Variants in PDE12 observed in about 807,000 individuals in gnomAD.
PDE12 encodes the protein phosphodiesterase 12.
In PDE12, 26 loss-of-function variants were observed where a neutral mutation model predicts 45.4. The ratio of observed to expected loss-of-function variants is 0.57; its 90% CI spans 0.42 to 0.79. The LOEUF (loss-of-function observed/expected upper bound fraction) is 0.79, where lower values mean the gene tolerates loss of function less well. Among genes scored for constraint, PDE12 ranks in the 30% least tolerant of loss-of-function variants. PDE12 has a pLI of 0.00. For synonymous variants in PDE12, 283 were observed against 323.9 expected (o/e 0.87, Z 1.36); for missense variants, 668 against 790.0 (o/e 0.85, Z 1.85).
the PDE12 span, chr3:57,597,291 T>A: frequency 2.9e-6 from 2 of 695,860 alleles, no homozygotes; most frequent in Non-Finnish European, 4.8e-6. Context: ...GTGGCCCCTG[T>A]GCCGATGAAG....
the PDE12 span, among the ~76,000 whole-genome samples, chr3:57,642,538 A>G: frequency 6.6e-6 from 1 of 152,172 alleles, no homozygotes; most frequent in Non-Finnish European, 1.5e-5. Flanking sequence ...CACAGAGTTT[A>G]GCATTCCTGG....
At position 57,561,315 on chromosome 3, in the gene PDE12, A is replaced by C. The variant is rs1227364027; in HGVS notation, c.*1311A>C. 1.1e-5 allele frequency: 11 copies of C among 985,198 alleles called. No individual in the cohort carries two copies. The highest frequency in any genetic ancestry group is 6.2e-5 in the Admixed American group (1 of 16,246). The allele number at this position is 985,198 out of a possible 1,614,324, so 61.0% of individuals were successfully genotyped here. A position where few individuals can be genotyped will look rare whatever the true frequency, so the allele number is the denominator to read the frequency against. ...AATTTCAAAATTGTTGGTTTTTATA[A>C]ACAGGAAAAAGGTTGAGTAGTGGGA... is the stretch of plus-strand genomic sequence containing the variant. On this transcript the variant is annotated 3_prime_UTR_variant, in exon 3 of 3. Transcript: ENST00000311180.
chr3:57,606,068 A>T, the PDE12 span, among the ~76,000 whole-genome samples: 1 of 152,186 alleles, frequency 6.6e-6, no homozygotes, highest in Non-Finnish European at 1.5e-5. Context: ...AGAAAAAAAT[A>T]TGTTAAGAAA....
chr3:57,638,380 G>A, the PDE12 span, among the ~76,000 whole-genome samples: 1 of 152,086 alleles, frequency 6.6e-6, no homozygotes, highest in African/African-American at 2.4e-5. Flanking sequence ...TAAACAGGCT[G>A]GGTGTGGTGG....
chr3:57,608,717 G>A, the PDE12 span, among the ~76,000 whole-genome samples: 1 of 152,034 alleles, frequency 6.6e-6, no homozygotes, highest in African/African-American at 2.4e-5. Flanking sequence ...ACCCAATACA[G>A]GAGCACCCAG....
chr3:57,630,271 T>C, the PDE12 span: 4 of 606,884 alleles, frequency 6.6e-6, no homozygotes, highest in East Asian at 3.2e-5. Flanking sequence ...GCCCCTATAA[T>C]GTCCTTGGCA....
the PDE12 span, among the ~76,000 whole-genome samples, chr3:57,579,538 T>C: frequency 7.2e-5 from 11 of 152,004 alleles, no homozygotes; most frequent in Non-Finnish European, 1.3e-4. Flanking sequence ...TCTGCCTGCT[T>C]TGGCCTCCCA....
the PDE12 span, among the ~76,000 whole-genome samples, chr3:57,629,485 A>T: frequency 6.6e-6 from 1 of 151,312 alleles, no homozygotes; most frequent in Non-Finnish European, 1.5e-5. Context: ...GTAATACAGA[A>T]CATAAAAAAA....
chr3:57,626,943 C>T, the PDE12 span: 2 of 152,084 alleles, frequency 1.3e-5, no homozygotes, highest in African/African-American at 2.4e-5. Context: ...AAAAATAAAA[C>T]GCTACCAAAC....
the PDE12 span, among the ~76,000 whole-genome samples, chr3:57,640,036 C>T: frequency 6.6e-6 from 1 of 152,042 alleles, no homozygotes; most frequent in Admixed American, 6.6e-5. Flanking sequence ...CTTTGGGAAG[C>T]CGAGGTGGGC....
the PDE12 span, chr3:57,645,602 T>A: frequency 7.9e-7 from 1 of 1,273,270 alleles, no homozygotes; most frequent in Non-Finnish European, 1.1e-6. Flanking sequence ...CCAAAAATAA[T>A]TCTACACAAT....
chr3:57,633,636 C>G, the PDE12 span, among the ~76,000 whole-genome samples: 2 of 152,188 alleles, frequency 1.3e-5, no homozygotes, highest in Admixed American at 6.5e-5. Flanking sequence ...CGTCTGTAAT[C>G]CCAACACTTT....
At chr3:57,612,278 T>A in the PDE12 span, among the ~76,000 whole-genome samples, 1 of 146,808 alleles carries the variant, frequency 6.8e-6, no homozygotes, top group African/African-American at 2.5e-5. Context: ...CATTAGGAGA[T>A]ATACCTAATG....
Position 57,560,175 on chromosome 3 carries a change from A to G in PDE12, c.*171A>G. 1 of 1,343,960 alleles carries G rather than the reference A, an allele frequency of 7.4e-7. No individual in the cohort carries two copies. The highest frequency in any genetic ancestry group is 9.5e-7 in the Non-Finnish European group (1 of 1,052,056). 83.3% of individuals were successfully genotyped at this position (1,343,960 alleles called of 1,614,324 possible). ...GAAACTGTTGATGTTTGCATCATAC[A>G]TCTTCTCTTTCCTTGTTTTCCTCTA... On this transcript the variant is annotated 3_prime_UTR_variant, in exon 3 of 3. Coordinates refer to ENST00000311180, the MANE Select transcript of PDE12 (RefSeq NM_177966.7).
the PDE12 span, among the ~76,000 whole-genome samples, chr3:57,605,331 T>G: frequency 6.6e-6 from 1 of 152,042 alleles, no homozygotes; most frequent in South Asian, 2.1e-4. Flanking sequence ...TATTAGCACA[T>G]GAATCTGAGC....
At chr3:57,650,419 CAT>C in the PDE12 span, among the ~76,000 whole-genome samples, 5 of 83,686 alleles carry the variant, frequency 6.0e-5, no homozygotes, top group East Asian at 3.6e-3. Context: ...CATGCATTTA[CAT>C]ACACACACAC....
At chr3:57,569,890 C>T (rs979557789), downstream of PDE12, among the ~76,000 whole-genome samples, 6 of 149,356 alleles carry the variant, frequency 4.0e-5, no homozygotes, top group South Asian at 1.1e-3. Flanking sequence ...CTTTACATCA[C>T]GAGTAAGATT....
chr3:57,601,408 C>CTCTGACTATTTT, the PDE12 span, among the ~76,000 whole-genome samples: 12 of 152,164 alleles, frequency 7.9e-5, no homozygotes, highest in African/African-American at 2.9e-4. Context: ...CGCGCCCAGC[C>CTCTGACTATTTT]TCTGACTATT....
chr3:57,642,021 TG>T, the PDE12 span, among the ~76,000 whole-genome samples: 3 of 152,140 alleles, frequency 2.0e-5, no homozygotes, highest in African/African-American at 7.2e-5. Flanking sequence ...TGGTTTAAAA[TG>T]CACAACAATT....
Sources: allele counts gnomAD v4.1 joint callset (sites outside exome capture counted in the v4.1 genomes callset), GRCh38; gene constraint gnomAD v4.1.1; transcripts MANE v1.5; gene names NCBI Gene and HGNC (gene_info 2026-07-23, HGNC 2026-07-21).